Variants in RUBCN observed in about 807,000 individuals in gnomAD.
RUBCN encodes the protein rubicon autophagy regulator, also known as run domain Beclin-1-interacting and cysteine-rich domain-containing protein.
In RUBCN, 74 loss-of-function variants were observed where a neutral mutation model predicts 113.2. That is an observed-to-expected ratio of 0.65 (90% CI 0.54 to 0.79). The LOEUF (loss-of-function observed/expected upper bound fraction) is 0.79, where lower values mean the gene tolerates loss of function less well. Ranked by LOEUF, RUBCN falls within the 30% of genes least tolerant of loss-of-function variation. The pLI is 0.00. For missense variants in RUBCN, 1,109 were observed against 1,251.7 expected (o/e 0.89, Z 1.72); for synonymous variants, 480 against 490.0 (o/e 0.98, Z 0.27).
chr3:197,680,320 A>G (rs1487603334), intron 16 of RUBCN, among the ~76,000 whole-genome samples: 1 of 125,614 alleles, frequency 8.0e-6, no homozygotes. Flanking sequence ...AGACTGTCCT[A>G]CGCTCTGACA....
chr3:197,707,201 G>A (rs912638197), intron 2 of RUBCN, among the ~76,000 whole-genome samples: 12 of 151,918 alleles, frequency 7.9e-5, no homozygotes, highest in Admixed American at 5.9e-4. Context: ...GCGTGGTGGT[G>A]GGCGCCTGTA....
intron 10 of RUBCN, 76 bp downstream of exon 10, chr3:197,694,299 C>T: frequency 8.0e-7 from 1 of 1,246,136 alleles, no homozygotes; most frequent in East Asian, 2.3e-5. Flanking sequence ...AGCAGAGGAA[C>T]CACTGGTTTG....
At chr3:197,685,199 G>T (rs1292341051) in intron 11 of RUBCN, among the ~76,000 whole-genome samples, 1 of 152,154 alleles carries the variant, frequency 6.6e-6, no homozygotes, top group Non-Finnish European at 1.5e-5. Flanking sequence ...TACTTTTGAT[G>T]GGGGGGATGT....
rs1336904193 is a variant in RUBCN, at chr3:197,682,598, G to T, written c.1998C>A (p.Asp666Glu). ...CGTCATCCGGTGAGATGGGCAGTGA[G>T]TCAGGAATGGGCAGGAGCTGCAGGA... ...DAPQKLLPIP[D>E]SLPISPDDGQ... Residue 666 changes from aspartate (D) to glutamate (E), a missense_variant, in exon 14 of 20, where the codon GAC becomes GAA. Coordinates refer to ENST00000296343, the MANE Select transcript of RUBCN (RefSeq NM_014687.4). 6.2e-7 allele frequency: 1 copy of T among 1,614,126 alleles called. No individual in the cohort carries two copies. The highest frequency in any genetic ancestry group is 1.1e-5 in the South Asian group (1 of 91,078).
chr3:197,677,468 A>G lies in RUBCN; in HGVS notation c.2492+12T>C, dbSNP rs577099874. ...AACGTGGCCAGAGGGCTCTAGCTCC[A>G]AAAGGACTTACTCCTTGGCCAGTCG... On this transcript the variant is annotated intron_variant, in intron 17 of 19. Transcript: ENST00000296343. 32 of 1,612,402 alleles carry G rather than the reference A, an allele frequency of 2.0e-5. No individual in the cohort carries two copies. In the African/African-American group the frequency reaches 2.8e-4, roughly 14 times the overall value.
At chr3:197,717,438 C>T (rs1461796659) in intron 2 of RUBCN, among the ~76,000 whole-genome samples, 1 of 144,286 alleles carries the variant, frequency 6.9e-6, no homozygotes, top group African/African-American at 2.7e-5. Context: ...AGCGAGACTC[C>T]GTCTCAAAAA....
Position 197,674,908 on chromosome 3 carries a change from T to TAA in RUBCN, c.*108_*109dup, listed in dbSNP as rs372329370. The stretch of plus-strand genomic sequence containing the variant: ...AAAAAAAAAAAAAGATGATGATAAT[T>TAA]AAAAAAAAAAAAAAAAAAAGAAGCC... On this transcript the variant is annotated 3_prime_UTR_variant, in exon 20 of 20. Transcript: ENST00000296343. The TAA allele has an allele frequency of 1.9e-3, 1,160 of 624,822 alleles. No individual in the cohort carries two copies. The highest frequency in any genetic ancestry group is 4.6e-3 in the South Asian group (173 of 37,498). The allele number at this position is 624,822 out of a possible 1,614,324, so 38.7% of individuals were successfully genotyped here. A position where few individuals can be genotyped will look rare whatever the true frequency, so the allele number is the denominator to read the frequency against.
intron 10 of RUBCN, chr3:197,694,146 C>T (rs1324499096): frequency 1.5e-6 from 1 of 661,148 alleles, no homozygotes; most frequent in South Asian, 1.5e-5. Flanking sequence ...CCGCCTCGGC[C>T]TCCCAAAGTG....
rs1720139824 is a variant in RUBCN, at chr3:197,674,733, A to G, written c.*285T>C. On this transcript the variant is annotated 3_prime_UTR_variant, in exon 20 of 20. Coordinates refer to ENST00000296343, the MANE Select transcript of RUBCN (RefSeq NM_014687.4). Reference sequence around the variant, plus strand: ...AGAACTTGGTCTTGCTGTCTCTTCCACTGACAGAGGCACTAGAAGCTTCAC... The same window carrying G: ...AGAACTTGGTCTTGCTGTCTCTTCCGCTGACAGAGGCACTAGAAGCTTCAC... 2 of 484,166 alleles carry G rather than the reference A, an allele frequency of 4.1e-6. No homozygotes were observed. The highest frequency in any genetic ancestry group is 7.4e-6 in the Non-Finnish European group (2 of 270,976). 30.0% of individuals were successfully genotyped at this position (484,166 alleles called of 1,614,324 possible).
intron 11 of RUBCN, among the ~76,000 whole-genome samples, chr3:197,689,876 G>A (rs570870622): frequency 3.3e-5 from 5 of 152,146 alleles, no homozygotes; most frequent in African/African-American, 1.2e-4. Flanking sequence ...CTACAGCCAC[G>A]CTACTGTGCT....
At chr3:197,691,160 T>C (rs1202140914) in intron 11 of RUBCN, 10 of 1,254,720 alleles carry the variant, frequency 8.0e-6, no homozygotes, top group Admixed American at 2.3e-5. Context: ...TGTGTAATAA[T>C]GATGATAAAA....
intron 5 of RUBCN, 108 bp downstream of exon 5, chr3:197,703,437 AGCC>A: frequency 4.0e-6 from 2 of 497,802 alleles, no homozygotes; most frequent in Non-Finnish European, 3.7e-6. Context: ...AAAAAATGCA[AGCC>A]TTTCAGCTCA....
chr3:197,696,236 G>T (rs184781349), intron 8 of RUBCN, among the ~76,000 whole-genome samples: 206 of 152,222 alleles, frequency 1.4e-3, no homozygotes, highest in Admixed American at 3.7e-3. Flanking sequence ...GCTGGGCATG[G>T]TGGCACATGC....
intron 7 of RUBCN, 136 bp from the exon 8 acceptor site, chr3:197,697,185 G>A (rs150444983): frequency 8.9e-6 from 6 of 670,952 alleles, no homozygotes; most frequent in African/African-American, 7.1e-5. Context: ...GCACACCAAC[G>A]GAACAGCCCA....
intron 1 of RUBCN, among the ~76,000 whole-genome samples, chr3:197,722,100 A>T (rs1370722330): frequency 6.6e-6 from 1 of 151,954 alleles, no homozygotes; most frequent in Non-Finnish European, 1.5e-5. Context: ...AAAATTAGCC[A>T]GGTGTGGTGG....
At chr3:197,686,267 G>A (rs1235639457) in intron 11 of RUBCN, among the ~76,000 whole-genome samples, 1 of 151,346 alleles carries the variant, frequency 6.6e-6, no homozygotes, top group African/African-American at 2.4e-5. Context: ...TTTCCTTTGA[G>A]AGAAAAAATC....
At chr3:197,730,244 C>T (rs959047795) in intron 1 of RUBCN, among the ~76,000 whole-genome samples, 2 of 152,172 alleles carry the variant, frequency 1.3e-5, no homozygotes, top group Admixed American at 6.6e-5. Context: ...GTTCCAAGAT[C>T]TCACCCTCCC....
At chr3:197,713,933 C>T (rs973450277) in intron 2 of RUBCN, among the ~76,000 whole-genome samples, 5 of 151,776 alleles carry the variant, frequency 3.3e-5, no homozygotes, top group Non-Finnish European at 7.4e-5. Context: ...AAAAATTAGC[C>T]GGGCGTGGTG....
chr3:197,732,075 G>A (rs1727572822), intron 1 of RUBCN, among the ~76,000 whole-genome samples: 1 of 152,230 alleles, frequency 6.6e-6, no homozygotes, highest in Non-Finnish European at 1.5e-5. Flanking sequence ...GGAGGGGCAG[G>A]TTTTGGTCAG....
Sources: allele counts gnomAD v4.1 joint callset (sites outside exome capture counted in the v4.1 genomes callset), GRCh38; gene constraint gnomAD v4.1.1; transcripts MANE v1.5; gene names NCBI Gene and HGNC (gene_info 2026-07-23, HGNC 2026-07-21).